The following PCSK4 variants were observed in gnomAD, a reference collection of about 807,000 sequenced individuals.
PCSK4 encodes proprotein convertase subtilisin/kexin type 4.
A neutral mutation model predicts 80.3 loss-of-function variants in PCSK4; 64 were observed. That is an observed-to-expected ratio of 0.80 (90% CI 0.65 to 0.98). PCSK4 has a LOEUF of 0.98. PCSK4 is among the 50% of genes least tolerant of loss of function. PCSK4 has a pLI of 0.00. For synonymous variants in PCSK4, 561 were observed against 487.6 expected (o/e 1.15, Z -1.98); for missense variants, 1,213 against 1,093.6 (o/e 1.11, Z -1.54).
Position 1,487,803 on chromosome 19 carries a change from G to GTGTAGCGGGGC in PCSK4, c.564_574dup (p.Thr192SerfsTer58). The stretch of plus-strand genomic sequence containing the variant: ...TGCTCACCGGTTCTCTTTGCTGGGG[G>GTGTAGCGGGGC]TGTAGCGGGGCTGGGGGTCCGGGTC... On this transcript the variant is annotated frameshift_variant, in exon 5 of 15. Coordinates refer to ENST00000300954, the Ensembl canonical transcript of PCSK4. LOFTEE classifies it high-confidence loss of function. 1 of 1,578,562 alleles carries GTGTAGCGGGGC rather than the reference G, an allele frequency of 6.3e-7. No homozygotes were observed. The highest frequency in any genetic ancestry group is 8.6e-7 in the Non-Finnish European group (1 of 1,161,560).
intron 8 of PCSK4, among the ~76,000 whole-genome samples, chr19:1,486,541 C>G (rs1024780370): frequency 4.1e-4 from 62 of 152,036 alleles, no homozygotes; most frequent in Non-Finnish European, 3.5e-4. Flanking sequence ...CGTGATCCAC[C>G]CGCCTCGGCC....
At chr19:1,489,929 G>C in intron 1 of PCSK4, 32 bp from the exon 2 acceptor site, 1 of 1,575,920 alleles carries the variant, frequency 6.3e-7, no homozygotes, top group East Asian at 2.4e-5. Flanking sequence ...CGCACCGATG[G>C]GACCCGGCTC....
intron 8 of PCSK4, 33 bp from the exon 9 acceptor site, chr19:1,484,160 C>T (rs774388465): frequency 6.5e-6 from 8 of 1,236,346 alleles, no homozygotes; most frequent in South Asian, 2.6e-5. Context: ...CTCGGGGGGC[C>T]GTGCACAGTG....
At chr19:1,490,688 A>G (rs2084902119), upstream of PCSK4, 5 of 299,824 alleles carry the variant, frequency 1.7e-5, no homozygotes, top group Admixed American at 4.9e-5. Flanking sequence ...TCCTTCGAGA[A>G]TCAGCCCGGC....
exon 10 of PCSK4, chr19:1,483,940 G>A (rs1237326071): frequency 6.9e-7 from 1 of 1,445,836 alleles, no homozygotes; most frequent in African/African-American, 1.5e-5. Flanking sequence ...GTCAGGAACG[G>A]GCTGCGGGGG....
Position 1,483,875 on chromosome 19 carries a change from C to T in PCSK4, c.1236G>A (p.Gln412=), listed in dbSNP as rs1441401796. 9 of 1,496,472 alleles carry T rather than the reference C, an allele frequency of 6.0e-6. No individual in the cohort carries two copies. In the East Asian group the frequency reaches 1.6e-4, roughly 27 times the overall value. The allele number at this position is 1,496,472 out of a possible 1,614,324, so 92.7% of individuals were successfully genotyped here. ...CGCCGTTGGTCCTCCAGTCCTCGGCCTGCAGGTGCGCCGGCTTGGACGCGC... is the reference window on the plus strand; with the variant it reads ...CGCCGTTGGTCCTCCAGTCCTCGGCTTGCAGGTGCGCCGGCTTGGACGCGC... Residue 412 remains glutamine (Q), a synonymous_variant, in exon 10 of 15, where the codon CAG becomes CAA. Transcript: ENST00000300954.
exon 1 of PCSK4, chr19:1,490,263 C>T: frequency 1.9e-6 from 3 of 1,607,108 alleles, no homozygotes; most frequent in East Asian, 2.2e-5. Context: ...GGGCTCGGAC[C>T]GGGGCCCACC....
exon 9 of PCSK4, chr19:1,484,067 G>C (rs1443712294): frequency 1.3e-6 from 2 of 1,564,528 alleles, no homozygotes; most frequent in Non-Finnish European, 1.7e-6. Context: ...GCCGCCAGTG[G>C]GGCTGAGGCC....
At position 1,487,953 on chromosome 19, in the gene PCSK4, C is replaced by T. The variant is rs754026893; in HGVS notation, c.516+11G>A. The T allele has an allele frequency of 1.1e-5, 17 of 1,603,618 alleles. No individual in the cohort carries two copies. The Middle Eastern group carries it at 5.0e-4, about 47-fold the overall frequency. ...GGGGCAGCCCTCGCCCACAGCCACC[C>T]GCGGTCTCACGTAGTTGGCCCAGAG... is the stretch of plus-strand genomic sequence containing the variant. On this transcript the variant is annotated intron_variant, in intron 4 of 14. Transcript: ENST00000300954.
intron 2 of PCSK4, 162 bp downstream of exon 2, chr19:1,489,631 T>A: frequency 7.7e-7 from 1 of 1,302,616 alleles, no homozygotes; most frequent in Non-Finnish European, 1.0e-6. Flanking sequence ...TATCTGGGTC[T>A]TCCTGCCTCC....
At chr19:1,484,089 G>T in exon 9 of PCSK4, 1 of 1,566,698 alleles carries the variant, frequency 6.4e-7, no homozygotes, top group Non-Finnish European at 8.6e-7. Flanking sequence ...AGGTGCCCGT[G>T]TGCTGGTCTG....
At position 1,482,152 on chromosome 19, in the gene PCSK4, C is replaced by CG. The variant is rs1174914612; in HGVS notation, c.1874dup (p.Arg626AlafsTer71). 13 of 1,559,560 alleles carry CG rather than the reference C, an allele frequency of 8.3e-6. No individual in the cohort carries two copies. The highest frequency in any genetic ancestry group is 1.4e-5 in the African/African-American group (1 of 73,880). On this transcript the variant is annotated frameshift_variant, in exon 15 of 15. Transcript: ENST00000300954. LOFTEE classifies it low-confidence loss of function (END_TRUNC). ...CCAGCCTTGTGTGGTTGAAGAACCGCGGGGGGCAGTAGGCCAGGCAGAGCT... is the reference window on the plus strand; with the variant it reads ...CCAGCCTTGTGTGGTTGAAGAACCGCGGGGGGGCAGTAGGCCAGGCAGAGCT...
chr19:1,489,412 G>A (rs1568225443), intron 2 of PCSK4, among the ~76,000 whole-genome samples: 1 of 152,186 alleles, frequency 6.6e-6, no homozygotes. Flanking sequence ...GGGATTACAG[G>A]CGTGAGCCAC....
chr19:1,487,537 C>T (rs1296042655), intron 6 of PCSK4, 66 bp downstream of exon 6: 6 of 1,392,728 alleles, frequency 4.3e-6, no homozygotes, highest in Non-Finnish European at 5.9e-6. Context: ...TTGGGCCCAG[C>T]TCCCCGCCAG....
exon 11 of PCSK4, chr19:1,483,718 G>A: frequency 1.3e-6 from 2 of 1,595,886 alleles, no homozygotes; most frequent in Non-Finnish European, 1.7e-6. Flanking sequence ...TGCGGGCGGT[G>A]TCCACCAGCA....
chr19:1,487,623 G>A, exon 6 of PCSK4: 2 of 1,552,788 alleles, frequency 1.3e-6, no homozygotes, highest in Non-Finnish European at 1.7e-6. Context: ...GGCGTTGAAA[G>A]CGACCCCCAC....
At position 1,482,276 on chromosome 19, in the gene PCSK4, G is replaced by A. The variant is rs951471007; in HGVS notation, c.1820-69C>T. Reference sequence around the variant, plus strand: ...GCAGCCTGTTACTCGCCACCCGCCCGCCTGGGGCCACATGCACGCTGCCCA... The same window carrying A: ...GCAGCCTGTTACTCGCCACCCGCCCACCTGGGGCCACATGCACGCTGCCCA... On this transcript the variant is annotated intron_variant, in intron 14 of 14. Transcript: ENST00000300954. 50 of 1,528,598 alleles carry A rather than the reference G, an allele frequency of 3.3e-5. 1 individual carries two copies. In the African/African-American group the frequency reaches 3.6e-4, roughly 11 times the overall value. The allele number at this position is 1,528,598 out of a possible 1,614,324, so 94.7% of individuals were successfully genotyped here.
intron 12 of PCSK4, 33 bp from the exon 13 acceptor site, chr19:1,483,053 T>A (rs375120381): frequency 4.0e-5 from 59 of 1,485,048 alleles, no homozygotes; most frequent in Admixed American, 9.3e-5. Flanking sequence ...GGTGGGGGTG[T>A]CAAGAGGGAT....
chr19:1,490,065 G>T, intron 1 of PCSK4, 93 bp downstream of exon 1: 3 of 1,539,116 alleles, frequency 1.9e-6, no homozygotes, highest in Middle Eastern at 1.7e-4. Context: ...TTGATATTTA[G>T]AAGACCTTGT....
Sources: allele counts gnomAD v4.1 joint callset (sites outside exome capture counted in the v4.1 genomes callset), GRCh38; gene constraint gnomAD v4.1.1; transcripts MANE v1.5; gene names NCBI Gene and HGNC (gene_info 2026-07-23, HGNC 2026-07-21).